The following ADAM17 variants were observed in gnomAD, a reference collection of about 807,000 sequenced individuals.
The protein encoded by ADAM17 is disintegrin and metalloproteinase domain-containing protein 17.
ADAM17 carries 39 observed loss-of-function variants against 96.7 expected under a neutral mutation model. That is an observed-to-expected ratio of 0.40 (90% CI 0.31 to 0.53). ADAM17 has a LOEUF of 0.53. Among genes scored for constraint, ADAM17 ranks in the 20% least tolerant of loss-of-function variants. The pLI is 0.44. For missense variants in ADAM17, 777 were observed against 1,013.2 expected, an observed-to-expected ratio of 0.77 and a Z score of 3.17; for synonymous variants, 344 against 359.2, an observed-to-expected ratio of 0.96 and a Z score of 0.48.
chr2:9,532,435 C>T (rs771538587), intron 4 of ADAM17, among the ~76,000 whole-genome samples: 6 of 152,094 alleles, frequency 3.9e-5, no homozygotes, highest in Non-Finnish European at 7.4e-5. Flanking sequence ...AAAAGTCCCT[C>T]AAGGTATCTG....
chr2:9,490,446 G>C lies in ADAM17; in HGVS notation c.2206C>G (p.Pro736Ala), dbSNP rs763595824. ...IIKPFPAPQT[P>A]GRLQPAPVIP... ...ACAGGGGCAGGCTGCAGGCGGCCTG[G>C]AGTCTGGGGCGCAGGAAAGGGTTTG... is the stretch of plus-strand genomic sequence containing the variant. The change falls in exon 19 of 19, where the codon CCA becomes GCA. Residue 736 changes from proline (P) to alanine (A), a missense_variant. Physicochemically the swap from Pro to Ala is conservative, Grantham distance 27. Coordinates refer to ENST00000310823, the MANE Select transcript of ADAM17 (RefSeq NM_003183.6). The C allele has an allele frequency of 2.5e-6, 4 of 1,614,082 alleles. No homozygotes were observed. The Admixed American group carries it at 6.7e-5, about 27-fold the overall frequency.
intron 4 of ADAM17, among the ~76,000 whole-genome samples, chr2:9,532,357 T>C (rs1328443124): frequency 1.3e-5 from 2 of 152,218 alleles, no homozygotes; most frequent in African/African-American, 2.4e-5. Flanking sequence ...AAAAGAATTA[T>C]AAAGAGTATG....
chr2:9,536,863 A>T, intron 2 of ADAM17, 35 bp from the exon 3 acceptor site: 1 of 1,602,260 alleles, frequency 6.2e-7, no homozygotes, highest in Non-Finnish European at 8.5e-7. Context: ...TACTCTAAGC[A>T]CACAAATTTT....
In ADAM17 at chr2:9,490,307, A is replaced by C; in HGVS notation, c.2345T>G (p.Phe782Cys). ...CTTGGCAGCTGTGCTGCTATTTGGG[A>C]AGGGGTCCTTCTCAAACCCATCCTC... Reference protein sequence around the residue: ...MDEDGFEKDPFPNSSTAAKSF... With the variant: ...MDEDGFEKDPCPNSSTAAKSF... The change falls in exon 19 of 19, where the codon TTC (phenylalanine) becomes TGC (cysteine). Residue 782 changes from phenylalanine (F) to cysteine (C), a missense_variant. This residue lies in a region of ADAM17 where 197 missense variants were observed against 219.4 expected (regional missense o/e 0.90). Coordinates refer to ENST00000310823, the MANE Select transcript of ADAM17 (RefSeq NM_003183.6). 1 of 1,614,030 alleles carries C rather than the reference A, an allele frequency of 6.2e-7. No individual in the cohort carries two copies. Among genetic ancestry groups the C allele is most frequent in the Non-Finnish European group, 8.5e-7 (1 of 1,180,012 alleles).
intron 4 of ADAM17, among the ~76,000 whole-genome samples, chr2:9,534,181 C>T (rs893985340): frequency 6.6e-6 from 1 of 152,108 alleles, no homozygotes; most frequent in African/African-American, 2.4e-5. Flanking sequence ...CCATCCTGGC[C>T]AACATGGTGA....
chr2:9,507,593 G>GA (rs1323524411), intron 11 of ADAM17, among the ~76,000 whole-genome samples: 1 of 152,028 alleles, frequency 6.6e-6, no homozygotes, highest in Non-Finnish European at 1.5e-5. Flanking sequence ...AACCAAACTA[G>GA]AAAAACACAG....
intron 3 of ADAM17, 57 bp from the exon 4 acceptor site, chr2:9,535,979 G>T: frequency 1.7e-6 from 2 of 1,185,124 alleles, no homozygotes; most frequent in South Asian, 1.7e-5. Context: ...AAGAAACTAT[G>T]CATTACTCTC....
intron 2 of ADAM17, among the ~76,000 whole-genome samples, chr2:9,537,960 A>AGAGGG (rs1298755281): frequency 5.9e-5 from 1 of 16,886 alleles, no homozygotes; most frequent in Non-Finnish European, 1.0e-4. Context: ...GAGGGGGAAG[A>AGAGGG]GAGGGGAAGG....
intron 5 of ADAM17, among the ~76,000 whole-genome samples, chr2:9,526,791 C>A (rs1049207959): frequency 1.3e-4 from 19 of 151,814 alleles, no homozygotes; most frequent in African/African-American, 4.1e-4. Context: ...AGTGAGACTT[C>A]ATCTCTAAAT....
intron 2 of ADAM17, among the ~76,000 whole-genome samples, chr2:9,538,806 T>A (rs1477528195): frequency 6.6e-6 from 1 of 152,178 alleles, no homozygotes; most frequent in Non-Finnish European, 1.5e-5. Flanking sequence ...GTGAAGTCAT[T>A]TTCTTACAGA....
At chr2:9,524,952 T>TA (rs1294672091) in intron 6 of ADAM17, among the ~76,000 whole-genome samples, 39 of 152,260 alleles carry the variant, frequency 2.6e-4, no homozygotes, top group Non-Finnish European at 4.6e-4. Flanking sequence ...TAAGAAGTTG[T>TA]AAAAAAATAC....
At chr2:9,512,543 T>G (rs1663801068) in intron 10 of ADAM17, 1 of 152,270 alleles carries the variant, frequency 6.6e-6, no homozygotes, top group African/African-American at 2.4e-5. Flanking sequence ...CTCTCTGACC[T>G]TCTCCTGTCC....
chr2:9,509,749 C>G (rs1663627683), intron 11 of ADAM17, among the ~76,000 whole-genome samples: 2 of 150,602 alleles, frequency 1.3e-5, no homozygotes, highest in Admixed American at 1.3e-4. Context: ...TCCTAGAGCT[C>G]AAATCTACAC....
At chr2:9,534,263 AG>A (rs1402227772) in intron 4 of ADAM17, among the ~76,000 whole-genome samples, 3 of 152,120 alleles carry the variant, frequency 2.0e-5, no homozygotes, top group African/African-American at 7.2e-5. Flanking sequence ...GAGCTACTCA[AG>A]GGTCTAAGGC....
At position 9,488,893 on chromosome 2, in the gene ADAM17, A is replaced by T. The variant is rs1661824149; in HGVS notation, c.*1284T>A. ...TTAAAATGTTTTGGCTGGTGAGCAC[A>T]TTTCAGTTCTTAGGGGAAAAAAAGC... On this transcript the variant is annotated 3_prime_UTR_variant, in exon 19 of 19. Coordinates refer to ENST00000310823, the MANE Select transcript of ADAM17 (RefSeq NM_003183.6). The T allele has an allele frequency of 6.6e-6, 1 of 152,226 alleles. No individual in the cohort carries two copies. The allele number at this position is 152,226 out of a possible 1,614,324, so 9.4% of individuals were successfully genotyped here.
chr2:9,527,105 T>G (rs928295823), intron 5 of ADAM17, among the ~76,000 whole-genome samples: 1 of 151,962 alleles, frequency 6.6e-6, no homozygotes, highest in African/African-American at 2.4e-5. Flanking sequence ...GGCAGATCAC[T>G]TGAGGCCAGG....
intron 10 of ADAM17, 29 bp from the exon 11 acceptor site, chr2:9,510,160 T>A (rs1466413665): frequency 6.2e-7 from 1 of 1,612,874 alleles, no homozygotes. Context: ...AAAACATTAT[T>A]TCTCAATATC....
intron 7 of ADAM17, chr2:9,522,081 G>C (rs10495563): frequency 4.4e-6 from 1 of 225,650 alleles, no homozygotes; most frequent in East Asian, 8.8e-5. Flanking sequence ...CTGTTTCTTC[G>C]ACTGGTTCCA....
At chr2:9,547,734 ATG>A (rs1237905544) in intron 1 of ADAM17, among the ~76,000 whole-genome samples, 1 of 152,020 alleles carries the variant, frequency 6.6e-6, no homozygotes, top group Non-Finnish European at 1.5e-5. Context: ...GCTTTGGATA[ATG>A]GCAATAGCTG....
Sources: gnomAD v4.1 joint callset for allele counts (sites outside exome capture counted in the v4.1 genomes callset) on GRCh38, gnomAD v4.1.1 for gene constraint, gnomAD v4.1.1 regional missense constraint, MANE v1.5 for transcripts, NCBI Gene and HGNC (gene_info 2026-07-23, HGNC 2026-07-21) for gene names.